Variants in VPS13B observed in about 807,000 individuals in gnomAD.
The protein encoded by VPS13B is intermembrane lipid transfer protein VPS13B.
Under a neutral mutation model 426.4 loss-of-function variants are expected in VPS13B, and 285 were observed. The ratio of observed to expected loss-of-function variants is 0.67; its 90% CI spans 0.61 to 0.74. The LOEUF is 0.74. Among genes scored for constraint, VPS13B ranks in the 30% least tolerant of loss-of-function variants. VPS13B has a pLI of 0.00. For missense variants in VPS13B, 4,537 were observed against 4,782.6 expected, an observed-to-expected ratio of 0.95 and a Z score of 1.51; for synonymous variants, 1,676 against 1,676.4, an observed-to-expected ratio of 1.00 and a Z score of 0.01.
intron 3 of VPS13B, among the ~76,000 whole-genome samples, chr8:99,062,788 T>A (rs773259450): frequency 6.6e-6 from 1 of 152,164 alleles, no homozygotes; most frequent in Non-Finnish European, 1.5e-5. Flanking sequence ...AATTTTTAAT[T>A]CCTTAATACA....
chr8:99,544,684 G>A (rs975848787), intron 30 of VPS13B, among the ~76,000 whole-genome samples: 1 of 142,364 alleles, frequency 7.0e-6, no homozygotes, highest in Non-Finnish European at 1.5e-5. Flanking sequence ...AATTTTGTAT[G>A]TGCTGCAAAA....
chr8:99,570,642 A>G (rs1379651465), intron 31 of VPS13B, among the ~76,000 whole-genome samples: 1 of 151,894 alleles, frequency 6.6e-6, no homozygotes, highest in Non-Finnish European at 1.5e-5. Context: ...TATCTATTAA[A>G]ATTTTATTAT....
intron 39 of VPS13B, among the ~76,000 whole-genome samples, chr8:99,749,904 T>C (rs767263828): frequency 2.0e-5 from 3 of 152,140 alleles, no homozygotes; most frequent in Admixed American, 6.6e-5. Flanking sequence ...CCAGCATTTA[T>C]TATTGCCTGT....
At chr8:99,243,066 GA>G (rs1817017215) in intron 17 of VPS13B, among the ~76,000 whole-genome samples, 1 of 152,288 alleles carries the variant, frequency 6.6e-6, no homozygotes, top group Admixed American at 6.5e-5. Flanking sequence ...AATTCATGAG[GA>G]AAGTTTGATT....
intron 13 of VPS13B, among the ~76,000 whole-genome samples, chr8:99,145,131 A>G (rs1460679021): frequency 6.6e-6 from 1 of 152,222 alleles, no homozygotes; most frequent in Non-Finnish European, 1.5e-5. Flanking sequence ...AGAGGTAGAC[A>G]TCAATCACCT....
At chr8:99,291,991 AT>A (rs1819763912) in intron 19 of VPS13B, among the ~76,000 whole-genome samples, 1 of 152,174 alleles carries the variant, frequency 6.6e-6, no homozygotes, top group African/African-American at 2.4e-5. Context: ...ATATTTAAAA[AT>A]TTTAAAAGAT....
intron 11 of VPS13B, among the ~76,000 whole-genome samples, chr8:99,136,446 A>G (rs1296845321): frequency 6.6e-6 from 1 of 152,166 alleles, no homozygotes; most frequent in African/African-American, 2.4e-5. Flanking sequence ...AAAGTGGTCA[A>G]AATGTCTCAT....
intron 19 of VPS13B, among the ~76,000 whole-genome samples, chr8:99,360,204 CTCTCTCTTTCTTTCTTTCTT>C (rs1812466999): frequency 5.9e-5 from 2 of 34,170 alleles, no homozygotes; most frequent in Admixed American, 2.2e-4. Flanking sequence ...CTCTCTCTCT[CTCTCTCTTTCTTTCTTTCTT>C]TCTTTCTTTC....
At chr8:99,335,012 T>C (rs1220541648) in intron 19 of VPS13B, among the ~76,000 whole-genome samples, 1 of 152,182 alleles carries the variant, frequency 6.6e-6, no homozygotes, top group Non-Finnish European at 1.5e-5. Flanking sequence ...TGGTAAGCTA[T>C]TGATTATTGC....
intron 61 of VPS13B, among the ~76,000 whole-genome samples, chr8:99,873,571 TG>T (rs149435387): frequency 2.0e-4 from 31 of 152,284 alleles, no homozygotes; most frequent in African/African-American, 7.2e-4. Context: ...GATGGGCCAG[TG>T]TGCCTTCAGC....
At chr8:99,788,925 C>G (rs1812408130) in intron 43 of VPS13B, among the ~76,000 whole-genome samples, 2 of 152,150 alleles carry the variant, frequency 1.3e-5, no homozygotes, top group Admixed American at 1.3e-4. Flanking sequence ...GTATTCCTAT[C>G]ATTTGAAAGC....
At chr8:99,364,487 C>T (rs1378412153) in intron 19 of VPS13B, among the ~76,000 whole-genome samples, 1 of 152,106 alleles carries the variant, frequency 6.6e-6, no homozygotes. Flanking sequence ...GGCTGGAGTG[C>T]AGTGACATGC....
chr8:99,582,650 CT>C (rs769326307), intron 33 of VPS13B, among the ~76,000 whole-genome samples: 3 of 151,728 alleles, frequency 2.0e-5, no homozygotes, highest in African/African-American at 4.8e-5. Flanking sequence ...GCCACATTTT[CT>C]TTTTTTTCTT....
At chr8:99,744,551 C>G (rs1039668192) in intron 39 of VPS13B, among the ~76,000 whole-genome samples, 2 of 152,086 alleles carry the variant, frequency 1.3e-5, no homozygotes, top group African/African-American at 4.8e-5. Context: ...TTCACAATAG[C>G]AAAGACTTGG....
intron 28 of VPS13B, chr8:99,507,633 G>C: frequency 7.6e-7 from 1 of 1,308,014 alleles, no homozygotes; most frequent in South Asian, 1.3e-5. Context: ...TCCAGGCAGA[G>C]GCCATACCTA....
At chr8:99,731,148 T>A (rs1169173555) in intron 39 of VPS13B, among the ~76,000 whole-genome samples, 1 of 152,156 alleles carries the variant, frequency 6.6e-6, no homozygotes, top group Non-Finnish European at 1.5e-5. Context: ...ATGGGATTAG[T>A]GGAAGAGTGA....
chr8:99,783,830 C>T (rs1812134195), intron 42 of VPS13B, among the ~76,000 whole-genome samples: 1 of 152,086 alleles, frequency 6.6e-6, no homozygotes, highest in Non-Finnish European at 1.5e-5. Flanking sequence ...ACATATCCAC[C>T]CTCCCTCTTA....
At chr8:99,484,934 A>G (rs574635400) in intron 25 of VPS13B, among the ~76,000 whole-genome samples, 22 of 152,208 alleles carry the variant, frequency 1.4e-4, no homozygotes, top group East Asian at 7.7e-4. Context: ...AATCTCCTTC[A>G]TAAAATTTTT....
At chr8:99,597,971 G>A (rs986991641) in intron 33 of VPS13B, among the ~76,000 whole-genome samples, 8 of 151,994 alleles carry the variant, frequency 5.3e-5, no homozygotes, top group Admixed American at 5.3e-4. Context: ...TCTCATTTCT[G>A]TTCCTAGAAG....
Sources: gnomAD v4.1 joint callset for allele counts (sites outside exome capture counted in the v4.1 genomes callset) on GRCh38, gnomAD v4.1.1 for gene constraint, MANE v1.5 for transcripts, NCBI Gene and HGNC (gene_info 2026-07-23, HGNC 2026-07-21) for gene names.